Variants in GPATCH2L observed in about 807,000 individuals in gnomAD.
GPATCH2L encodes G-patch domain containing 2 like.
Under a neutral mutation model 57.4 loss-of-function variants are expected in GPATCH2L, and 31 were observed. The observed-to-expected ratio is 0.54, with a 90% CI of 0.41 to 0.73. The LOEUF (loss-of-function observed/expected upper bound fraction) is 0.73. Ranked by LOEUF, GPATCH2L falls within the 30% of genes least tolerant of loss-of-function variation. The probability of loss-of-function intolerance (pLI) is 0.00; values close to 1 mark genes in which losing one functional copy is unlikely to be tolerated. For synonymous variants in GPATCH2L, 199 were observed against 210.7 expected (o/e 0.94, Z 0.48); for missense variants, 481 against 599.9 (o/e 0.80, Z 2.07).
At position 76,171,951 on chromosome 14, in the gene GPATCH2L, G is replaced by T. The variant is rs1309320376; in HGVS notation, c.836G>T (p.Arg279Ile). Reference sequence around the variant, plus strand: ...CCTGATCATTGTTCTGAAGTAGAAAGAATGGATTCTGGATTGGATAAATTT... The same window carrying T: ...CCTGATCATTGTTCTGAAGTAGAAATAATGGATTCTGGATTGGATAAATTT... ...WAPDHCSEVE[R>I]MDSGLDKFSD... is the part of the protein sequence containing the mutation. The change falls in exon 4 of 10, where the codon AGA becomes ATA. Residue 279 changes from arginine to isoleucine, a missense_variant. By Grantham distance (97) the Arg-to-Ile change is moderately conservative (BLOSUM62 -3). Coordinates refer to ENST00000261530, the MANE Select transcript of GPATCH2L (RefSeq NM_017926.4). The T allele has an allele frequency of 6.2e-7, 1 of 1,612,106 alleles. No homozygotes were observed. Among genetic ancestry groups the T allele is most frequent in the Non-Finnish European group, 8.5e-7 (1 of 1,178,436 alleles).
At chr14:76,166,822 T>G in intron 3 of GPATCH2L, 95 bp downstream of exon 3, 4 of 882,676 alleles carry the variant, frequency 4.5e-6, no homozygotes, top group Non-Finnish European at 7.5e-6. Flanking sequence ...GGTGACTGTC[T>G]ATGGCAGTGG....
intron 7 of GPATCH2L, chr14:76,178,250 A>G (rs759430756): frequency 6.7e-7 from 1 of 1,497,180 alleles, no homozygotes; most frequent in Non-Finnish European, 8.9e-7. Context: ...TCTGATTTGC[A>G]TATGGTTTAG....
chr14:76,182,213 C>T (rs577285640), intron 8 of GPATCH2L, among the ~76,000 whole-genome samples: 7 of 151,790 alleles, frequency 4.6e-5, no homozygotes, highest in Non-Finnish European at 8.8e-5. Context: ...AAAAATTAGC[C>T]AGGTGTGCTG....
chr14:76,165,634 A>G (rs1047067577), intron 2 of GPATCH2L, among the ~76,000 whole-genome samples: 4 of 152,004 alleles, frequency 2.6e-5, no homozygotes, highest in African/African-American at 9.7e-5. Flanking sequence ...TTTCTGTGAC[A>G]GATCTTTTGC....
rs767942292 is a variant in GPATCH2L, at chr14:76,154,550, G to A, written c.187G>A (p.Glu63Lys). 3.7e-6 allele frequency: 6 copies of A among 1,614,198 alleles called. No individual in the cohort carries two copies. The highest frequency in any genetic ancestry group is 1.6e-4 in the Middle Eastern group (1 of 6,062). ...HLAEHTCCYS[E>K]ASESSLDEAT... ...GGCAGAGCATACCTGCTGCTACAGCGAGGCCTCTGAGTCAAGTCTGGATGA... is the reference window on the plus strand; with the variant it reads ...GGCAGAGCATACCTGCTGCTACAGCAAGGCCTCTGAGTCAAGTCTGGATGA... Residue 63 changes from glutamate (E) to lysine (K), a missense_variant, in exon 2 of 10, where the codon GAG (glutamate) becomes AAG (lysine). Transcript: ENST00000261530. The surrounding 1 kb of genome is among the most constrained non-coding windows in gnomAD (Gnocchi z 4.4).
chr14:76,230,406 C>T (rs571553360), intron 2 of GPATCH2L: 19 of 152,074 alleles, frequency 1.2e-4, no homozygotes, highest in Admixed American at 5.2e-4. Context: ...AATGAATTCT[C>T]GGTGGGACCT....
chr14:76,211,983 A>G lies in GPATCH2L; in HGVS notation c.*10132A>G, dbSNP rs1039991607. The G allele has an allele frequency of 2.6e-5, 4 of 152,200 alleles. No homozygotes were observed. The highest frequency in any genetic ancestry group is 6.6e-5 in the Admixed American group (1 of 15,258). The allele number at this position is 152,200 out of a possible 1,614,324, so 9.4% of individuals were successfully genotyped here. On this transcript the variant is annotated 3_prime_UTR_variant, in exon 10 of 10. Coordinates refer to ENST00000261530, the MANE Select transcript of GPATCH2L (RefSeq NM_017926.4). ...GAAATAAGAAAGTGACTTATGTTCC[A>G]TTATTAAAATAGTATAGGGAGGACA... is the stretch of plus-strand genomic sequence containing the variant.
chr14:76,163,786 T>C (rs534321054), intron 2 of GPATCH2L, among the ~76,000 whole-genome samples: 7 of 152,290 alleles, frequency 4.6e-5, no homozygotes, highest in African/African-American at 1.7e-4. Flanking sequence ...TGAAGTGACA[T>C]GCCGCAAGGC....
chr14:76,189,440 G>T (rs2039885626), intron 8 of GPATCH2L, among the ~76,000 whole-genome samples: 1 of 151,386 alleles, frequency 6.6e-6, no homozygotes, highest in Non-Finnish European at 1.5e-5. Flanking sequence ...TTAATTCCTA[G>T]GTATTTAATT....
chr14:76,172,826 A>G (rs1315718505), intron 4 of GPATCH2L, among the ~76,000 whole-genome samples: 3 of 152,194 alleles, frequency 2.0e-5, no homozygotes, highest in Non-Finnish European at 4.4e-5. Context: ...GGATTTTGTC[A>G]TGGTGAATTT....
At chr14:76,173,336 T>C (rs1304211774) in intron 4 of GPATCH2L, among the ~76,000 whole-genome samples, 1 of 152,098 alleles carries the variant, frequency 6.6e-6, no homozygotes, top group East Asian at 1.9e-4. Flanking sequence ...AGATGGAGGA[T>C]GCCTAGGTCA....
intron 2 of GPATCH2L, among the ~76,000 whole-genome samples, chr14:76,164,763 G>A (rs1421042369): frequency 6.6e-6 from 1 of 152,198 alleles, no homozygotes; most frequent in Non-Finnish European, 1.5e-5. Flanking sequence ...TGAGATGAAA[G>A]CATTTTCAAG....
chr14:76,174,558 T>C (rs1172652014), intron 5 of GPATCH2L: 1 of 152,168 alleles, frequency 6.6e-6, no homozygotes, highest in Non-Finnish European at 1.5e-5. Context: ...GTTTTAAGCA[T>C]GCAAAAGAAA....
At chr14:76,157,697 T>G (rs1356477767) in intron 2 of GPATCH2L, among the ~76,000 whole-genome samples, 8 of 152,068 alleles carry the variant, frequency 5.3e-5, no homozygotes, top group Admixed American at 5.2e-4. Context: ...AAGCATGTAT[T>G]AGATGTTTTA....
intron 3 of GPATCH2L, chr14:76,170,593 C>T (rs181810927): frequency 7.3e-5 from 11 of 151,180 alleles, no homozygotes; most frequent in Admixed American, 2.0e-4. Context: ...TTTTTTTTTC[C>T]GCAGTAGCTT....
chr14:76,235,109 G>A lies in GPATCH2L; in HGVS notation c.*117+5156G>A, dbSNP rs910193093. ...CTTGAACCCAGGAGGCGGAGGTTGC[G>A]GTGAGCTGAGATCACGCCGTTGCAC... On this transcript the variant is annotated intron_variant and NMD_transcript_variant, in intron 2 of 3. Coordinates refer to the GPATCH2L transcript ENST00000556372. 5.3e-5 allele frequency among the ~76,000 whole-genome samples: 8 copies of A among 151,360 alleles called. No homozygotes were observed. In the South Asian group the frequency reaches 8.3e-4, roughly 16 times the overall value.
Position 76,220,589 on chromosome 14 carries a change from AC to A in GPATCH2L, c.66-9217del, listed in dbSNP as rs1462620153. 9.2e-5 allele frequency among the ~76,000 whole-genome samples: 14 copies of A among 152,306 alleles called. No homozygotes were observed. The East Asian group carries it at 2.3e-3, about 25-fold the overall frequency. ...TACAATAAAATGAATAATAAATTTAACCTAATTAATGTCCATAGAATACTAT... is the reference window on the plus strand; with the variant it reads ...TACAATAAAATGAATAATAAATTTAACTAATTAATGTCCATAGAATACTAT... On this transcript the variant is annotated intron_variant and NMD_transcript_variant, in intron 1 of 3. Transcript: ENST00000556372.
At chr14:76,200,970 A>G (rs944913656) in intron 9 of GPATCH2L, among the ~76,000 whole-genome samples, 8 of 152,192 alleles carry the variant, frequency 5.3e-5, no homozygotes, top group Admixed American at 6.5e-5. Flanking sequence ...GTTTGTCACA[A>G]TGACTGGGGA....
At chr14:76,180,229 A>ATTT (rs1342841581) in intron 7 of GPATCH2L, among the ~76,000 whole-genome samples, 7 of 152,100 alleles carry the variant, frequency 4.6e-5, no homozygotes, top group Non-Finnish European at 1.0e-4. Context: ...AGATAAGGAT[A>ATTT]GTAAAGCTCA....
Sources: gnomAD v4.1 joint callset for allele counts (sites outside exome capture counted in the v4.1 genomes callset) on GRCh38, gnomAD v4.1.1 for gene constraint, Gnocchi (gnomAD v3.1) non-coding constraint, MANE v1.5 for transcripts, NCBI Gene and HGNC (gene_info 2026-07-23, HGNC 2026-07-21) for gene names.